FHIT: variants seen among roughly 807,000 people sequenced by gnomAD.
FHIT encodes the protein fragile histidine triad diadenosine triphosphatase.
Under a neutral mutation model 17.9 loss-of-function variants are expected in FHIT, and 19 were observed. The observed-to-expected ratio is 1.06, with a 90% CI of 0.74 to 1.56. The LOEUF is 1.56. Among genes scored for constraint, FHIT ranks in the 40% most tolerant of loss-of-function variants. The probability of loss-of-function intolerance (pLI) is 0.00; values close to 1 mark genes in which losing one functional copy is unlikely to be tolerated. For synonymous variants in FHIT, 81 were observed against 69.7 expected (o/e 1.16, Z -0.81); for missense variants, 248 against 189.2 (o/e 1.31, Z -1.82).
rs146620577 is a variant in FHIT, at chr3:60,151,489, T to C, written c.104-137337A>G. 2.3e-3 allele frequency among the ~76,000 whole-genome samples: 346 copies of C among 152,232 alleles called. 1 individual carries two copies. Among genetic ancestry groups the C allele is most frequent in the African/African-American group, 7.2e-3 (300 of 41,554 alleles). On this transcript the variant is annotated intron_variant, in intron 5 of 9. Coordinates refer to ENST00000492590, the MANE Select transcript of FHIT (RefSeq NM_002012.4). ...CCAGTAAATTCTTTTAAAAAATAAA[T>C]AAACAGATGAGATCACAGCACTACT...
chr3:60,835,403 C>T (rs868978712), intron 3 of FHIT, among the ~76,000 whole-genome samples: 37 of 152,196 alleles, frequency 2.4e-4, no homozygotes, highest in South Asian at 8.3e-4. Context: ...TTTATTTCAT[C>T]AACATTATAT....
chr3:60,663,052 G>C (rs906635483), intron 4 of FHIT, among the ~76,000 whole-genome samples: 5 of 149,010 alleles, frequency 3.4e-5, no homozygotes, highest in African/African-American at 2.5e-5. Flanking sequence ...ATTTATGGAA[G>C]TCTATTTCTG....
chr3:59,861,669 T>C (rs1486411703), intron 8 of FHIT, among the ~76,000 whole-genome samples: 1 of 152,208 alleles, frequency 6.6e-6, no homozygotes, highest in African/African-American at 2.4e-5. Flanking sequence ...GCAGATACTC[T>C]ACTGAAAATC....
intron 5 of FHIT, among the ~76,000 whole-genome samples, chr3:60,359,204 C>T (rs1232315767): frequency 6.6e-6 from 1 of 150,920 alleles, no homozygotes; most frequent in Non-Finnish European, 1.5e-5. Flanking sequence ...ACTGGCTTGA[C>T]TTCATGATAT....
chr3:60,124,539 G>C lies in FHIT; in HGVS notation c.104-110387C>G, dbSNP rs138254955. 7.9e-3 allele frequency among the ~76,000 whole-genome samples: 1,202 copies of C among 152,202 alleles called. 11 individuals are homozygous for C. Among genetic ancestry groups the C allele is most frequent in the African/African-American group, 0.026 (1,098 of 41,526 alleles). ...GCATCCTGCCTGCAAAAATGATCTA[G>C]ATATGGGGAGTAGTGCTTCCCCTTG... On this transcript the variant is annotated intron_variant, in intron 5 of 9. Transcript: ENST00000492590.
chr3:60,699,429 A>G (rs1412326104), intron 4 of FHIT, among the ~76,000 whole-genome samples: 5 of 152,176 alleles, frequency 3.3e-5, no homozygotes, highest in African/African-American at 1.2e-4. Flanking sequence ...GTGAGCAAAA[A>G]TGTCATTATT....
chr3:61,112,072 C>A (rs1176714406), intron 2 of FHIT, among the ~76,000 whole-genome samples: 1 of 152,100 alleles, frequency 6.6e-6, no homozygotes, highest in Non-Finnish European at 1.5e-5. Context: ...AAGTAACTTG[C>A]TTCAAGTTAA....
chr3:59,752,051 G>C, intron 9 of FHIT, 170 bp downstream of exon 9: 1 of 504,522 alleles, frequency 2.0e-6, no homozygotes, highest in East Asian at 3.3e-5. Context: ...TGGGAGGCTG[G>C]GAATACAGTA....
intron 3 of FHIT, among the ~76,000 whole-genome samples, chr3:60,956,797 T>TA (rs1386967164): frequency 2.0e-5 from 3 of 152,238 alleles, no homozygotes; most frequent in African/African-American, 7.2e-5. Flanking sequence ...TATGTAATAA[T>TA]AGAAATCCAG....
chr3:60,335,395 A>C (rs959411680), intron 5 of FHIT, among the ~76,000 whole-genome samples: 1 of 152,194 alleles, frequency 6.6e-6, no homozygotes. Flanking sequence ...TTTTAGACTA[A>C]ATTCAGTTGA....
intron 5 of FHIT, among the ~76,000 whole-genome samples, chr3:60,111,445 T>C (rs576075891): frequency 6.6e-6 from 1 of 152,300 alleles, no homozygotes; most frequent in East Asian, 1.9e-4. Context: ...TGATATATAA[T>C]AGACTCCTAC....
intron 4 of FHIT, among the ~76,000 whole-genome samples, chr3:60,685,475 C>T (rs9847651): frequency 3.3e-5 from 5 of 152,110 alleles, no homozygotes; most frequent in South Asian, 2.1e-4. Flanking sequence ...TGGTACACTC[C>T]GTTTGAAGGT....
chr3:61,250,120 G>A (rs1295309026), intron 1 of FHIT, among the ~76,000 whole-genome samples: 4 of 152,218 alleles, frequency 2.6e-5, no homozygotes, highest in African/African-American at 7.2e-5. Context: ...CTACAGAACG[G>A]CTAGAAGCGA....
intron 5 of FHIT, among the ~76,000 whole-genome samples, chr3:60,309,295 G>T (rs892962164): frequency 6.6e-6 from 1 of 151,890 alleles, no homozygotes; most frequent in Non-Finnish European, 1.5e-5. Context: ...TACAAGGGTG[G>T]GTGGGGATGG....
chr3:60,889,407 A>G lies in FHIT; in HGVS notation c.-110-67396T>C, dbSNP rs374541584. On this transcript the variant is annotated intron_variant, in intron 3 of 9. Transcript: ENST00000492590. ...TTGCTGAGAATTAAAAGAAAATTTT[A>G]TATTCGATGCCGTTTCTTTTGCGGC... Among the ~76,000 whole-genome samples, 28 of 152,330 alleles carry G rather than the reference A, an allele frequency of 1.8e-4. No individual in the cohort carries two copies. The South Asian group carries it at 5.8e-3, about 32-fold the overall frequency.
chr3:60,459,072 G>A (rs993424890), intron 5 of FHIT, among the ~76,000 whole-genome samples: 2 of 152,106 alleles, frequency 1.3e-5, no homozygotes, highest in Admixed American at 1.3e-4. Context: ...ATGAGCCACA[G>A]TGCCCAGCCC....
rs573996750 is a variant in FHIT at position 60,166,656 on chromosome 3, G to C, written c.104-152504C>G. Among the ~76,000 whole-genome samples, 5 of 152,256 alleles carry C rather than the reference G, an allele frequency of 3.3e-5. 1 individual carries two copies. The South Asian group carries it at 1.0e-3, about 32-fold the overall frequency. On this transcript the variant is annotated intron_variant, in intron 5 of 9. Transcript: ENST00000492590. ...TCTATCTCCAGAACTTGGACCCTAT[G>C]ACCTTCACATTATACGTTTAAAAAT...
chr3:60,290,816 A>T (rs1707949212), intron 5 of FHIT, among the ~76,000 whole-genome samples: 1 of 152,116 alleles, frequency 6.6e-6, no homozygotes, highest in African/African-American at 2.4e-5. Flanking sequence ...GATCTGACAC[A>T]ATAGCAGAGA....
chr3:60,196,166 C>A (rs754244013), intron 5 of FHIT, among the ~76,000 whole-genome samples: 1 of 152,242 alleles, frequency 6.6e-6, no homozygotes, highest in African/African-American at 2.4e-5. Context: ...TTTATCCTAT[C>A]GTTTTGGAAG....
Sources: gnomAD v4.1 joint callset for allele counts (sites outside exome capture counted in the v4.1 genomes callset) on GRCh38, gnomAD v4.1.1 for gene constraint, MANE v1.5 for transcripts, NCBI Gene and HGNC (gene_info 2026-07-23, HGNC 2026-07-21) for gene names.